Variants in ANKRD44 observed in about 807,000 individuals in gnomAD.
ANKRD44 encodes ankyrin repeat domain 44.
In ANKRD44, 35 loss-of-function variants were observed where a neutral mutation model predicts 116.0. The observed-to-expected ratio is 0.30, with a 90% CI of 0.23 to 0.40. The LOEUF is 0.40. Ranked by LOEUF, ANKRD44 falls within the 10% of genes least tolerant of loss-of-function variation. The probability of loss-of-function intolerance (pLI) is 1.00; values close to 1 mark genes in which losing one functional copy is unlikely to be tolerated. For missense variants in ANKRD44, 1,014 were observed against 1,242.6 expected (o/e 0.82, Z 2.77); for synonymous variants, 435 against 461.8 (o/e 0.94, Z 0.74).
intron 16 of ANKRD44, chr2:197,029,692 C>T (rs776292577): frequency 1.1e-4 from 28 of 260,974 alleles, no homozygotes; most frequent in African/African-American, 5.9e-4. Flanking sequence ...GTGTCAGATA[C>T]GATGATGGTT....
At chr2:197,271,206 G>T (rs1396194195) in intron 1 of ANKRD44, among the ~76,000 whole-genome samples, 1 of 152,202 alleles carries the variant, frequency 6.6e-6, no homozygotes, top group Non-Finnish European at 1.5e-5. Flanking sequence ...ATCTGCTATG[G>T]TCTGAATGTT....
intron 1 of ANKRD44, among the ~76,000 whole-genome samples, chr2:197,204,785 A>G (rs997262946): frequency 6.6e-6 from 1 of 152,238 alleles, no homozygotes; most frequent in African/African-American, 2.4e-5. Context: ...TTAGGCTGGA[A>G]AAGAAAAACC....
At chr2:197,309,317 A>G (rs559212942) in intron 1 of ANKRD44, among the ~76,000 whole-genome samples, 7 of 152,362 alleles carry the variant, frequency 4.6e-5, no homozygotes, top group Admixed American at 4.6e-4. Flanking sequence ...CACAAGTACC[A>G]GCTGCTCTTC....
chr2:197,298,916 CA>C (rs61013084), intron 1 of ANKRD44, among the ~76,000 whole-genome samples: 14,646 of 133,098 alleles, frequency 0.11, 1,713 homozygotes, highest in African/African-American at 0.31. Context: ...GATCCTGTTT[CA>C]AAAAAAAAAA....
In ANKRD44 at chr2:197,007,846, T is replaced by C. The variant is rs753449812; in HGVS notation, c.2090A>G (p.Asp697Gly). The C allele has an allele frequency of 1.9e-6, 3 of 1,613,868 alleles. No homozygotes were observed. The highest frequency in any genetic ancestry group is 3.3e-5 in the Admixed American group (2 of 60,006). The change falls in exon 20 of 28, where the codon GAC becomes GGC. Residue 697 changes from aspartate (D) to glycine (G), a missense_variant. Asp to Gly is a moderately conservative substitution (Grantham distance 94). Transcript: ENST00000282272. ...SLLLEKEANV[D>G]TVDILGCTAL... ...TGTGCATCCTAGGATGTCAACAGTG[T>C]CTACGTTGGCTTCCTTTTCAAGTAA...
chr2:197,108,871 C>CAAAAAAAA (rs1553509928), intron 9 of ANKRD44, among the ~76,000 whole-genome samples: 5,586 of 150,494 alleles, frequency 0.037, 370 homozygotes, highest in African/African-American at 0.13. Context: ...ACAACAACAA[C>CAAAAAAAA]AAAAACACAA....
At chr2:197,273,665 G>GTACA (rs2082963544) in intron 1 of ANKRD44, among the ~76,000 whole-genome samples, 1 of 152,086 alleles carries the variant, frequency 6.6e-6, no homozygotes, top group South Asian at 2.1e-4. Flanking sequence ...GCTTCCTGGA[G>GTACA]TACATATCAG....
At chr2:197,179,122 C>T (rs765993485) in intron 2 of ANKRD44, among the ~76,000 whole-genome samples, 9 of 152,276 alleles carry the variant, frequency 5.9e-5, no homozygotes, top group Middle Eastern at 3.4e-3. Context: ...TATATAGTTG[C>T]TTCTAATCCT....
intron 13 of ANKRD44, among the ~76,000 whole-genome samples, chr2:197,086,159 T>A (rs868426920): frequency 4.0e-5 from 6 of 151,654 alleles, no homozygotes; most frequent in African/African-American, 1.5e-4. Flanking sequence ...GGAAAAAAAA[T>A]TATATATATA....
chr2:197,181,241 T>G (rs2080497462), intron 2 of ANKRD44, among the ~76,000 whole-genome samples: 1 of 152,156 alleles, frequency 6.6e-6, no homozygotes, highest in Non-Finnish European at 1.5e-5. Context: ...TTTTATAAAG[T>G]AGATGGATTA....
At chr2:197,287,704 C>A (rs2083444502) in intron 1 of ANKRD44, among the ~76,000 whole-genome samples, 1 of 152,182 alleles carries the variant, frequency 6.6e-6, no homozygotes, top group Non-Finnish European at 1.5e-5. Flanking sequence ...GACTTCTTAG[C>A]TAATTCAGGA....
chr2:197,273,648 G>A (rs931988018), intron 1 of ANKRD44, among the ~76,000 whole-genome samples: 2 of 152,010 alleles, frequency 1.3e-5, no homozygotes, highest in Admixed American at 6.6e-5. Flanking sequence ...CAGCACCTGC[G>A]GCCTGGGCTT....
chr2:197,205,854 C>A (rs2081194058), intron 1 of ANKRD44, among the ~76,000 whole-genome samples: 1 of 152,078 alleles, frequency 6.6e-6, no homozygotes, highest in South Asian at 2.1e-4. Context: ...AAAGAGATTC[C>A]TAGGTGAAGG....
At chr2:196,967,938 T>C (rs942383748) in intron 21 of ANKRD44, among the ~76,000 whole-genome samples, 1 of 151,818 alleles carries the variant, frequency 6.6e-6, no homozygotes, top group Non-Finnish European at 1.5e-5. Flanking sequence ...TCTCTCTCTC[T>C]CTCACTTGCT....
intron 1 of ANKRD44, among the ~76,000 whole-genome samples, chr2:197,234,770 C>T (rs1026478102): frequency 2.0e-5 from 3 of 152,192 alleles, no homozygotes; most frequent in Admixed American, 6.5e-5. Flanking sequence ...TTACCTTTCT[C>T]GGGATTCTAC....
intron 16 of ANKRD44, among the ~76,000 whole-genome samples, chr2:197,058,254 C>G (rs2077241209): frequency 1.3e-5 from 2 of 152,166 alleles, no homozygotes; most frequent in South Asian, 4.1e-4. Context: ...TACTAATAAT[C>G]ATCTACTGCT....
chr2:196,988,913 G>A lies in ANKRD44; in HGVS notation c.*678C>T. ...TTCTTTGTGCTGCCTTTGTGTATAT[G>A]ATCCACTACACATCTGAGTTTTCAT... On this transcript the variant is annotated 3_prime_UTR_variant, in exon 28 of 28. Transcript: ENST00000282272. The A allele has an allele frequency of 1.0e-6, 1 of 985,404 alleles. No homozygotes were observed. Among genetic ancestry groups the A allele is most frequent in the Non-Finnish European group, 1.2e-6 (1 of 829,954 alleles). 61.0% of individuals were successfully genotyped at this position (985,404 alleles called of 1,614,324 possible).
At chr2:197,141,987 A>G (rs1349616476) in intron 3 of ANKRD44, among the ~76,000 whole-genome samples, 1 of 152,268 alleles carries the variant, frequency 6.6e-6, no homozygotes, top group Non-Finnish European at 1.5e-5. Flanking sequence ...TGAAGGACAC[A>G]GTCTGCATGT....
chr2:197,040,716 AAAAAT>A (rs764142959), intron 16 of ANKRD44, among the ~76,000 whole-genome samples: 7 of 152,102 alleles, frequency 4.6e-5, no homozygotes, highest in Non-Finnish European at 7.3e-5. Flanking sequence ...TCTGGTAGGA[AAAAAT>A]AAAATAAAAT....
Sources: allele counts gnomAD v4.1 joint callset (sites outside exome capture counted in the v4.1 genomes callset), GRCh38; gene constraint gnomAD v4.1.1; transcripts MANE v1.5; gene names NCBI Gene and HGNC (gene_info 2026-07-23, HGNC 2026-07-21).